Variants in CHLSN observed in about 807,000 individuals in gnomAD.
CHLSN encodes cholesin.
chr7:1,071,724 C>T, the CHLSN span, among the ~76,000 whole-genome samples: 7 of 152,336 alleles, frequency 4.6e-5, no homozygotes, highest in African/African-American at 1.7e-4. Flanking sequence ...TCCTATGATG[C>T]ACGCCCACCT....
chr7:1,113,438 G>A, the CHLSN span, among the ~76,000 whole-genome samples: 7 of 152,156 alleles, frequency 4.6e-5, no homozygotes, highest in African/African-American at 1.7e-4. Flanking sequence ...GTTCCTGTTC[G>A]GAGCAGGTGT....
chr7:1,055,333 G>A, the CHLSN span: 1 of 471,140 alleles, frequency 2.1e-6, no homozygotes, highest in Non-Finnish European at 4.4e-6. Context: ...GCGGCCAGGC[G>A]CGCTGCTGAT....
At chr7:1,031,062 C>G in the CHLSN span, among the ~76,000 whole-genome samples, 12 of 152,200 alleles carry the variant, frequency 7.9e-5, no homozygotes, top group African/African-American at 2.7e-4. Context: ...GTGGTCCACA[C>G]TGAGACCCTA....
At chr7:1,078,310 C>T in the CHLSN span, among the ~76,000 whole-genome samples, 1 of 151,724 alleles carries the variant, frequency 6.6e-6, no homozygotes, top group Non-Finnish European at 1.5e-5. Context: ...TCACAGGGCC[C>T]GAAACCTGAA....
At chr7:1,005,354 T>C in the CHLSN span, among the ~76,000 whole-genome samples, 114 of 152,278 alleles carry the variant, frequency 7.5e-4, no homozygotes, top group African/African-American at 1.9e-3. Context: ...AAAAGAAAAC[T>C]GAGCGAGGGT....
At chr7:1,000,536 G>T in the CHLSN span, 7 of 1,607,486 alleles carry the variant, frequency 4.4e-6, no homozygotes, top group African/African-American at 9.3e-5. Context: ...TCCAGTTCTT[G>T]TGCTTTTGGG....
chr7:1,034,392 G>GT, the CHLSN span, among the ~76,000 whole-genome samples: 17,128 of 148,790 alleles, frequency 0.12, 1,141 homozygotes, highest in Middle Eastern at 0.2. Flanking sequence ...AAATTTCAGG[G>GT]TTTTTTTTTT....
At chr7:1,093,098 G>A in the CHLSN span, 7 of 671,232 alleles carry the variant, frequency 1.0e-5, no homozygotes, top group Non-Finnish European at 1.7e-5. Flanking sequence ...GCCCCGCAGG[G>A]TCCAAAGGCC....
the CHLSN span, among the ~76,000 whole-genome samples, chr7:1,044,938 G>A: frequency 3.3e-5 from 5 of 152,390 alleles, no homozygotes; most frequent in African/African-American, 1.2e-4. Flanking sequence ...GCACAGCGCC[G>A]CCACCGGCTC....
the CHLSN span, among the ~76,000 whole-genome samples, chr7:1,116,964 A>G: frequency 0.01 from 292 of 29,146 alleles, 19 homozygotes; most frequent in Admixed American, 0.011. Context: ...GGATGATGAC[A>G]TCACTGCAGT....
At chr7:1,096,234 G>C in the CHLSN span, among the ~76,000 whole-genome samples, 1 of 152,204 alleles carries the variant, frequency 6.6e-6, no homozygotes, top group African/African-American at 2.4e-5. The surrounding 1 kb of genome is among the most constrained non-coding windows in gnomAD (Gnocchi z 4.6). Context: ...TGGGCAGACA[G>C]AGCTGACACG....
At chr7:1,098,086 G>A in the CHLSN span, among the ~76,000 whole-genome samples, 1 of 150,764 alleles carries the variant, frequency 6.6e-6, no homozygotes, top group African/African-American at 2.4e-5. Flanking sequence ...TAAAAGTGCT[G>A]CCTCAAAGTC....
the CHLSN span, among the ~76,000 whole-genome samples, chr7:1,108,393 C>T: frequency 1.4e-5 from 2 of 140,974 alleles, no homozygotes; most frequent in African/African-American, 5.4e-5. Context: ...CTGTGTCCCG[C>T]GCTCTGCGGG....
chr7:1,019,212 CG>C, the CHLSN span, among the ~76,000 whole-genome samples: 216 of 18,778 alleles, frequency 0.012, 9 homozygotes, highest in East Asian at 0.14. Context: ...AAAAAAAAAA[CG>C]GGGGGGGGGG....
chr7:1,092,251 C>T, the CHLSN span: 104 of 1,612,274 alleles, frequency 6.5e-5, no homozygotes, highest in Non-Finnish European at 7.6e-5. Flanking sequence ...GCACCACGCC[C>T]GGCTGAGCTG....
the CHLSN span, among the ~76,000 whole-genome samples, chr7:1,103,816 T>A: frequency 6.6e-6 from 1 of 152,192 alleles, no homozygotes; most frequent in Non-Finnish European, 1.5e-5. Context: ...GAGACACAAG[T>A]GTGCAGAGGG....
At chr7:1,124,769 C>T in the CHLSN span, among the ~76,000 whole-genome samples, 2 of 150,664 alleles carry the variant, frequency 1.3e-5, no homozygotes, top group African/African-American at 4.9e-5. Context: ...AAGAGGCAGT[C>T]AGCCTGGGAG....
the CHLSN span, chr7:1,057,994 TCTC>T: frequency 1.3e-6 from 1 of 770,418 alleles, no homozygotes; most frequent in South Asian, 1.3e-5. Context: ...CTGACCAGCT[TCTC>T]CTCGCTGCTC....
chr7:1,136,176 A>G, the CHLSN span, among the ~76,000 whole-genome samples: 2 of 110,990 alleles, frequency 1.8e-5, no homozygotes, highest in Non-Finnish European at 3.2e-5. Context: ...ATGTATAAAT[A>G]TACATAATTA....
Sources: gnomAD v4.1 joint callset for allele counts (sites outside exome capture counted in the v4.1 genomes callset) on GRCh38, gnomAD v4.1.1 for gene constraint, Gnocchi (gnomAD v3.1) non-coding constraint, MANE v1.5 for transcripts, NCBI Gene and HGNC (gene_info 2026-07-23, HGNC 2026-07-21) for gene names.